PDE4C: variants seen among roughly 807,000 people sequenced by gnomAD.
PDE4C encodes 3',5'-cyclic-AMP phosphodiesterase 4C.
Under a neutral mutation model 63.9 loss-of-function variants are expected in PDE4C, and 50 were observed. The observed-to-expected ratio is 0.78, with a 90% CI of 0.62 to 0.99. The LOEUF is 0.99. Among genes scored for constraint, PDE4C ranks in the 50% least tolerant of loss-of-function variants. The probability of loss-of-function intolerance (pLI) is 0.00; values close to 1 mark genes in which losing one functional copy is unlikely to be tolerated. For synonymous variants in PDE4C, 377 were observed against 385.1 expected (o/e 0.98, Z 0.25); for missense variants, 777 against 899.1 (o/e 0.86, Z 1.74).
chr19:18,247,890 T>C (rs987016535), intron 1 of PDE4C, among the ~76,000 whole-genome samples: 6 of 152,106 alleles, frequency 3.9e-5, no homozygotes, highest in Non-Finnish European at 7.4e-5. Context: ...CAGGCACCAG[T>C]GTGAGACACC....
At chr19:18,234,902 C>T (rs557172758), upstream of PDE4C, among the ~76,000 whole-genome samples, 2 of 151,956 alleles carry the variant, frequency 1.3e-5, no homozygotes, top group Non-Finnish European at 2.9e-5. Flanking sequence ...CTGTTCTCCA[C>T]CCCCCCACCA....
rs751769437 is a variant in PDE4C at position 18,222,126 on chromosome 19, A to G, written c.338+6T>C. ...GGCGGTGTCATCCCACCAGCCCCAGACTCACAGGTCGCTGGCCACAGAGGA... is the reference window on the plus strand; with the variant it reads ...GGCGGTGTCATCCCACCAGCCCCAGGCTCACAGGTCGCTGGCCACAGAGGA... On this transcript the variant is annotated splice_donor_region_variant and intron_variant, in intron 2 of 14. Transcript: ENST00000262805. The G allele has an allele frequency of 1.9e-6, 3 of 1,603,766 alleles. No homozygotes were observed. In the Admixed American group the frequency reaches 5.0e-5, roughly 27 times the overall value.
At chr19:18,230,877 C>T (rs970231760), upstream of PDE4C, among the ~76,000 whole-genome samples, 1 of 152,168 alleles carries the variant, frequency 6.6e-6, no homozygotes, top group Non-Finnish European at 1.5e-5. Flanking sequence ...GTTGCGTCTC[C>T]AACACAGGGC....
chr19:18,232,871 C>A, intron 1 of PDE4C: 1 of 1,386,532 alleles, frequency 7.2e-7, no homozygotes, highest in South Asian at 1.6e-5. Flanking sequence ...CCTGGAGAAG[C>A]AAGGACCCTC....
intron 8 of PDE4C, 84 bp downstream of exon 8, chr19:18,219,150 A>T (rs781297595): frequency 7.0e-6 from 11 of 1,582,560 alleles, no homozygotes; most frequent in Non-Finnish European, 8.7e-6. Flanking sequence ...CCCAGTATAT[A>T]GGTGGGCAAA....
At chr19:18,229,621 A>C (rs1404783215), upstream of PDE4C, among the ~76,000 whole-genome samples, 7 of 152,086 alleles carry the variant, frequency 4.6e-5, no homozygotes, top group Non-Finnish European at 7.4e-5. Context: ...CTCCACTGCC[A>C]CCAGGTGGCC....
At chr19:18,233,466 C>T (rs906751060) in exon 1 of PDE4C, 8 of 676,502 alleles carry the variant, frequency 1.2e-5, no homozygotes, top group Middle Eastern at 4.7e-4. Context: ...TGAAGAGACC[C>T]CCCCCCAACA....
At chr19:18,225,962 C>T (rs1968701184) in intron 1 of PDE4C, among the ~76,000 whole-genome samples, 1 of 152,216 alleles carries the variant, frequency 6.6e-6, no homozygotes, top group African/African-American at 2.4e-5. Flanking sequence ...GAGACGTGAG[C>T]CTCAGCCCGT....
At chr19:18,222,657 T>TTCTCTCTCTC (rs138832810) in intron 1 of PDE4C, among the ~76,000 whole-genome samples, 34 of 82,432 alleles carry the variant, frequency 4.1e-4, no homozygotes, top group East Asian at 4.0e-3. Flanking sequence ...TTCTCGTTCT[T>TTCTCTCTCTC]TCTCTCTCTC....
chr19:18,220,996 C>T lies in PDE4C; in HGVS notation c.450-73G>A, dbSNP rs112954510. 4.6e-5 allele frequency: 72 copies of T among 1,553,130 alleles called. 2 individuals carry two copies. The African/African-American group carries it at 5.0e-4, about 11-fold the overall frequency. ...GCCCCCAAGTCCACCAGGCCCCGCC[C>T]CTCAAACCCACCTGGAGGCGCCGGA... On this transcript the variant is annotated intron_variant, in intron 4 of 14. Transcript: ENST00000262805. The surrounding 1 kb of genome is among the most constrained non-coding windows in gnomAD (Gnocchi z 5.1).
intron 7 of PDE4C, 178 bp from the exon 8 acceptor site, chr19:18,219,575 G>A (rs1968370044): frequency 7.5e-6 from 5 of 664,778 alleles, no homozygotes; most frequent in Admixed American, 3.1e-5. Flanking sequence ...TGTAATCCCA[G>A]TGCTTTGGGA....
intron 13 of PDE4C, among the ~76,000 whole-genome samples, chr19:18,213,011 C>T (rs921232806): frequency 2.2e-5 from 3 of 138,294 alleles, no homozygotes; most frequent in Admixed American, 7.1e-5. Flanking sequence ...AAAGTAAAAC[C>T]GGCCGGGCGC....
At chr19:18,227,031 G>T (rs896563203), upstream of PDE4C, among the ~76,000 whole-genome samples, 1 of 151,920 alleles carries the variant, frequency 6.6e-6, no homozygotes, top group African/African-American at 2.4e-5. Context: ...GTAGAATGAG[G>T]GAGTCAGAAA....
intron 14 of PDE4C, 37 bp from the exon 15 acceptor site, chr19:18,211,313 GTTACA>G: frequency 6.6e-7 from 1 of 1,515,312 alleles, no homozygotes. Context: ...CATTTGGTGA[GTTACA>G]GTGAACCCTA....
At chr19:18,252,188 G>A, upstream of PDE4C, 3 of 399,140 alleles carry the variant, frequency 7.5e-6, no homozygotes, top group Non-Finnish European at 1.3e-5. Flanking sequence ...GGGAAGAGGG[G>A]GTGAGCTCTG....
Position 18,213,248 on chromosome 19 carries a change from C to T in PDE4C, c.1512+120G>A, listed in dbSNP as rs897627739. 3.2e-5 allele frequency: 27 copies of T among 847,850 alleles called. 2 individuals carry two copies. In the South Asian group the frequency reaches 5.4e-4, roughly 17 times the overall value. The allele number at this position is 847,850 out of a possible 1,614,324, so 52.5% of individuals were successfully genotyped here. On this transcript the variant is annotated intron_variant, in intron 13 of 14. Transcript: ENST00000262805. ...GCACTGAGCCAAGATGGCGCCACTG[C>T]ACTCCAGCCTGGGCGACAGAGTGAG...
chr19:18,224,548 C>T, intron 1 of PDE4C: 1 of 981,330 alleles, frequency 1.0e-6, no homozygotes, highest in Non-Finnish European at 1.2e-6. Context: ...TCGGCTACGT[C>T]CGATTGAGCT....
chr19:18,221,895 A>C (rs1968499216), intron 2 of PDE4C, among the ~76,000 whole-genome samples: 1 of 152,044 alleles, frequency 6.6e-6, no homozygotes, highest in Non-Finnish European at 1.5e-5. Context: ...CAAAGTGTTG[A>C]GATTACAGGC....
intron 1 of PDE4C, chr19:18,248,122 G>A (rs1192782475): frequency 6.6e-6 from 3 of 455,390 alleles, no homozygotes; most frequent in Non-Finnish European, 1.3e-5. Context: ...ACGCCCCCAA[G>A]CTCAAGAATA....
Sources: allele counts gnomAD v4.1 joint callset (sites outside exome capture counted in the v4.1 genomes callset), GRCh38; gene constraint gnomAD v4.1.1; non-coding constraint Gnocchi (gnomAD v3.1); transcripts MANE v1.5; gene names NCBI Gene and HGNC (gene_info 2026-07-23, HGNC 2026-07-21).